The following CFAP54 variants were observed in gnomAD, a reference collection of about 807,000 sequenced individuals.
CFAP54 encodes cilia and flagella associated protein 54.
In CFAP54, 290 loss-of-function variants were observed where a neutral mutation model predicts 370.4. The ratio of observed to expected loss-of-function variants is 0.78; its 90% CI spans 0.71 to 0.86. The LOEUF (loss-of-function observed/expected upper bound fraction) is 0.86. Among genes scored for constraint, CFAP54 ranks in the 40% least tolerant of loss-of-function variants. CFAP54 has a pLI of 0.00. For synonymous variants in CFAP54, 1,206 were observed against 1,236.5 expected, an observed-to-expected ratio of 0.98 and a Z score of 0.52; for missense variants, 3,399 against 3,528.7, an observed-to-expected ratio of 0.96 and a Z score of 0.93.
chr12:96,605,411 T>C (rs542521697), intron 26 of CFAP54, among the ~76,000 whole-genome samples: 26 of 152,226 alleles, frequency 1.7e-4, no homozygotes, highest in African/African-American at 6.0e-4. Flanking sequence ...ATGTTAGGCC[T>C]GAAGGAAAGG....
intron 64 of CFAP54, among the ~76,000 whole-genome samples, chr12:96,814,712 A>C (rs1431520775): frequency 3.9e-5 from 6 of 152,074 alleles, no homozygotes; most frequent in African/African-American, 1.4e-4. Context: ...CCTTGTCCCC[A>C]ACCCACCAAC....
chr12:96,829,284 A>G (rs1460778465), intron 66 of CFAP54, among the ~76,000 whole-genome samples, 196 bp downstream of exon 66: 1 of 152,146 alleles, frequency 6.6e-6, no homozygotes, highest in Non-Finnish European at 1.5e-5. Context: ...ACATTCAACT[A>G]ATACAAAGAA....
At chr12:96,589,042 G>A (rs1306526329) in intron 22 of CFAP54, among the ~76,000 whole-genome samples, 2 of 152,150 alleles carry the variant, frequency 1.3e-5, no homozygotes, top group Non-Finnish European at 2.9e-5. Context: ...AAATCTGATT[G>A]TTTCTCTTGG....
intron 9 of CFAP54, among the ~76,000 whole-genome samples, chr12:96,533,412 C>T (rs2136380109): frequency 6.6e-6 from 1 of 152,280 alleles, no homozygotes; most frequent in South Asian, 2.1e-4. Context: ...CAACATGATC[C>T]ATGGCTGAAT....
intron 63 of CFAP54, among the ~76,000 whole-genome samples, chr12:96,802,446 T>C (rs1958830172): frequency 6.6e-6 from 1 of 152,082 alleles, no homozygotes; most frequent in Non-Finnish European, 1.5e-5. Flanking sequence ...CCCACTGCCC[T>C]ACTATGGGCA....
At chr12:96,504,909 T>C (rs1428782994) in intron 3 of CFAP54, among the ~76,000 whole-genome samples, 1 of 152,200 alleles carries the variant, frequency 6.6e-6, no homozygotes, top group Non-Finnish European at 1.5e-5. Flanking sequence ...TTGCTTTTCA[T>C]ATTTTGCCAG....
At chr12:96,715,894 A>ACT (rs1957672558) in intron 48 of CFAP54, among the ~76,000 whole-genome samples, 2 of 152,140 alleles carry the variant, frequency 1.3e-5, no homozygotes, top group African/African-American at 4.8e-5. Flanking sequence ...GGAGTTCACA[A>ACT]ACAGGCCCAT....
chr12:96,751,037 GTC>G (rs1958177225), intron 55 of CFAP54, among the ~76,000 whole-genome samples: 1 of 152,070 alleles, frequency 6.6e-6, no homozygotes, highest in Non-Finnish European at 1.5e-5. Flanking sequence ...TCATGTGAAA[GTC>G]TCTGATAGAA....
At chr12:96,516,566 T>C (rs1955237873) in intron 5 of CFAP54, among the ~76,000 whole-genome samples, 1 of 152,036 alleles carries the variant, frequency 6.6e-6, no homozygotes, top group South Asian at 2.1e-4. Flanking sequence ...TAGAGGGCGG[T>C]CGGACTTCTG....
chr12:96,504,401 A>T (rs1955067550), intron 3 of CFAP54, among the ~76,000 whole-genome samples: 1 of 151,792 alleles, frequency 6.6e-6, no homozygotes, highest in South Asian at 2.1e-4. Flanking sequence ...AGTATAAAAA[A>T]GCGACTCAAG....
chr12:96,612,552 T>G (rs1037843101), intron 26 of CFAP54, among the ~76,000 whole-genome samples: 1 of 152,152 alleles, frequency 6.6e-6, no homozygotes, highest in Admixed American at 6.5e-5. Flanking sequence ...TAACCTTAAA[T>G]GTAAATGGGC....
At chr12:96,799,715 G>A (rs1592768842) in intron 63 of CFAP54, among the ~76,000 whole-genome samples, 1 of 152,264 alleles carries the variant, frequency 6.6e-6, no homozygotes, top group South Asian at 2.1e-4. Context: ...ATCCTTGCCA[G>A]ATATTCCATA....
At chr12:96,570,989 C>A (rs1259308297) in intron 19 of CFAP54, among the ~76,000 whole-genome samples, 3 of 152,106 alleles carry the variant, frequency 2.0e-5, no homozygotes, top group African/African-American at 4.8e-5. Flanking sequence ...TACTTTTCAT[C>A]TTTTTCTGCA....
At chr12:96,506,589 C>CTTTTT (rs71068809) in intron 3 of CFAP54, among the ~76,000 whole-genome samples, 12 of 130,872 alleles carry the variant, frequency 9.2e-5, no homozygotes, top group South Asian at 2.4e-4. Context: ...CTTTTCTTTT[C>CTTTTT]TTTTTTTTTT....
intron 32 of CFAP54, among the ~76,000 whole-genome samples, chr12:96,639,510 G>A (rs1359591018): frequency 2.6e-5 from 4 of 152,178 alleles, no homozygotes; most frequent in Admixed American, 6.5e-5. Context: ...ACAAGGAGGA[G>A]CTGGTACCAT....
intron 60 of CFAP54, among the ~76,000 whole-genome samples, chr12:96,777,114 C>T (rs1295334354): frequency 6.6e-6 from 1 of 152,048 alleles, no homozygotes; most frequent in Non-Finnish European, 1.5e-5. Flanking sequence ...GTCTTGTCAG[C>T]TGTTCTTTCA....
intron 19 of CFAP54, among the ~76,000 whole-genome samples, chr12:96,567,502 G>A (rs995336591): frequency 3.9e-5 from 6 of 152,104 alleles, no homozygotes; most frequent in African/African-American, 1.4e-4. Flanking sequence ...GCCAAGTGGT[G>A]TCTGGTCTTT....
At chr12:96,568,649 A>G (rs1401414470) in intron 19 of CFAP54, among the ~76,000 whole-genome samples, 1 of 152,202 alleles carries the variant, frequency 6.6e-6, no homozygotes, top group African/African-American at 2.4e-5. Context: ...ATGATCTTGT[A>G]ACAAAATTAT....
chr12:96,490,408 A>G (rs971590335), intron 1 of CFAP54, among the ~76,000 whole-genome samples: 1 of 152,250 alleles, frequency 6.6e-6, no homozygotes, highest in Non-Finnish European at 1.5e-5. Context: ...TTGTATCAAG[A>G]GCTAGCTTCA....
Sources: allele counts gnomAD v4.1 joint callset (sites outside exome capture counted in the v4.1 genomes callset), GRCh38; gene constraint gnomAD v4.1.1; transcripts MANE v1.5; gene names NCBI Gene and HGNC (gene_info 2026-07-23, HGNC 2026-07-21).